Variants in RFXANK observed in about 807,000 individuals in gnomAD.
RFXANK encodes the protein regulatory factor X associated ankyrin containing protein, also known as DNA-binding protein RFXANK.
A neutral mutation model predicts 34.5 loss-of-function variants in RFXANK; 19 were observed. The ratio of observed to expected loss-of-function variants is 0.55; its 90% CI spans 0.38 to 0.81. The LOEUF is 0.81. Ranked by LOEUF, RFXANK falls within the 30% of genes least tolerant of loss-of-function variation. The probability of loss-of-function intolerance (pLI) is 0.00; values close to 1 mark genes in which losing one functional copy is unlikely to be tolerated. For synonymous variants in RFXANK, 154 were observed against 149.8 expected (o/e 1.03, Z -0.20); for missense variants, 295 against 343.5 (o/e 0.86, Z 1.12).
chr19:19,198,373 A>G (rs1436018309), intron 7 of RFXANK, 141 bp downstream of exon 7: 1 of 1,341,688 alleles, frequency 7.5e-7, no homozygotes. Context: ...CTCACAGAGC[A>G]GAGCTCCCCA....
At position 19,193,933 on chromosome 19, in the gene RFXANK, C is replaced by T. The variant is rs778735004; in HGVS notation, c.-8-6C>T. Reference sequence around the variant, plus strand: ...GTCATCTCTCCCCTTCTGACACCTCCGCCAGCTTTCCCCATGGAGCTTACC... The same window carrying T: ...GTCATCTCTCCCCTTCTGACACCTCTGCCAGCTTTCCCCATGGAGCTTACC... On this transcript the variant is annotated splice_region_variant and splice_polypyrimidine_tract_variant and intron_variant, in intron 2 of 9. Transcript: ENST00000303088. The T allele has an allele frequency of 1.2e-5, 20 of 1,614,004 alleles. No homozygotes were observed. Among genetic ancestry groups the T allele is most frequent in the Middle Eastern group, 1.6e-4 (1 of 6,082 alleles).
At chr19:19,197,376 T>TGA in intron 5 of RFXANK, 125 bp downstream of exon 5, 1 of 1,239,964 alleles carries the variant, frequency 8.1e-7, no homozygotes, top group Non-Finnish European at 1.2e-6. Context: ...ACTGTGTGTG[T>TGA]GACCGTGTTC....
chr19:19,193,818 A>G, intron 2 of RFXANK, 121 bp from the exon 3 acceptor site: 1 of 1,095,350 alleles, frequency 9.1e-7, no homozygotes, highest in South Asian at 1.2e-5. Flanking sequence ...TGGCTCTGGT[A>G]ATTAACCTGG....
chr19:19,199,536 CAGAG>C (rs1187512147), intron 9 of RFXANK, among the ~76,000 whole-genome samples: 1 of 152,082 alleles, frequency 6.6e-6, no homozygotes, highest in Non-Finnish European at 1.5e-5. Flanking sequence ...CAACAGAAGT[CAGAG>C]AGGCTTCCTG....
chr19:19,198,570 C>T (rs569673805), intron 7 of RFXANK, 87 bp from the exon 8 acceptor site: 240 of 1,483,228 alleles, frequency 1.6e-4, no homozygotes, highest in African/African-American at 1.6e-3. Flanking sequence ...GGAGGAACCA[C>T]GTTCAACTGG....
chr19:19,192,432 G>A lies in RFXANK; in HGVS notation c.-272G>A, dbSNP rs1599769091. On this transcript the variant is annotated 5_prime_UTR_variant, in exon 1 of 10. Coordinates refer to ENST00000303088, the MANE Select transcript of RFXANK (RefSeq NM_003721.4). ...CTTTTCCTTGAGAGACGAGTTGGGG[G>A]AGTCCTCCACGCATTACCCACTCGG... 1 of 486,572 alleles carries A rather than the reference G, an allele frequency of 2.1e-6. No homozygotes were observed. The highest frequency in any genetic ancestry group is 3.7e-5 in the East Asian group (1 of 26,974). 30.1% of individuals were successfully genotyped at this position (486,572 alleles called of 1,614,324 possible).
chr19:19,200,788 ATTTTTTTTT>A (rs71170606), intron 9 of RFXANK: 43 of 84,600 alleles, frequency 5.1e-4, no homozygotes, highest in East Asian at 1.4e-3. Flanking sequence ...CACCTGGCTA[ATTTTTTTTT>A]TTTTTTTTTT....
intron 6 of RFXANK, 128 bp downstream of exon 6, chr19:19,197,749 C>T (rs2060627445): frequency 2.3e-6 from 2 of 871,670 alleles, no homozygotes; most frequent in Admixed American, 4.2e-5. Context: ...TGGCTCATGC[C>T]TGTAATCCCA....
intron 9 of RFXANK, among the ~76,000 whole-genome samples, chr19:19,201,164 T>C (rs1388133305): frequency 1.3e-5 from 2 of 152,160 alleles, no homozygotes; most frequent in East Asian, 3.9e-4. Context: ...GGCTGGCCTT[T>C]CCTGACTTCA....
chr19:19,198,293 G>A, intron 7 of RFXANK, 61 bp downstream of exon 7: 1 of 1,606,568 alleles, frequency 6.2e-7, no homozygotes, highest in Admixed American at 1.7e-5. Flanking sequence ...TGCCTCAAAT[G>A]TTCACAGAGT....
rs777058246 is a variant in RFXANK, at chr19:19,198,122, A to G, written c.454A>G (p.Ile152Val). The change falls in exon 7 of 10, where the codon ATC (isoleucine) becomes GTC (valine). Residue 152 changes from isoleucine to valine, a missense_variant. By Grantham distance (29) the Ile-to-Val change is conservative. Transcript: ENST00000303088. ...FLLEWGADPHILAKERESALS... is the reference protein window; with the variant it reads ...FLLEWGADPHVLAKERESALS... ...CTCCCTGCAGGGTGCCGACCCCCAC[A>G]TCCTGGCAAAAGAGCGAGAGAGCGC... is the stretch of plus-strand genomic sequence containing the variant. The G allele has an allele frequency of 6.2e-7, 1 of 1,613,782 alleles. No homozygotes were observed. Among genetic ancestry groups the G allele is most frequent in the Non-Finnish European group, 8.5e-7 (1 of 1,179,946 alleles).
chr19:19,195,567 G>A (rs2060584206), intron 3 of RFXANK, among the ~76,000 whole-genome samples: 1 of 151,624 alleles, frequency 6.6e-6, no homozygotes. Context: ...GCCTCCCAAA[G>A]TGCTGGGATT....
At chr19:19,197,090 T>G (rs750132790) in intron 4 of RFXANK, 44 bp downstream of exon 4, 1 of 1,610,744 alleles carries the variant, frequency 6.2e-7, no homozygotes, top group South Asian at 1.1e-5. Context: ...AGTAGGAGGG[T>G]GGGAGGGCCT....
At chr19:19,197,402 C>T (rs2060619349) in intron 5 of RFXANK, 119 bp from the exon 6 acceptor site, 1 of 1,216,770 alleles carries the variant, frequency 8.2e-7, no homozygotes, top group South Asian at 1.3e-5. Context: ...TGTCCATCAA[C>T]ATACGCTCCC....
Position 19,198,148 on chromosome 19 carries a change from C to T in RFXANK, c.480C>T (p.Ala160=). 6.2e-7 allele frequency: 1 copy of T among 1,614,166 alleles called. No homozygotes were observed. The highest frequency in any genetic ancestry group is 8.5e-7 in the Non-Finnish European group (1 of 1,180,036). The part of the protein sequence containing the change: ...PHILAKERES[A]LSLASTGGYT... ...TCCTGGCAAAAGAGCGAGAGAGCGCCCTGTCGCTGGCCAGCACAGGCGGCT... is the reference window on the plus strand; with the variant it reads ...TCCTGGCAAAAGAGCGAGAGAGCGCTCTGTCGCTGGCCAGCACAGGCGGCT... The change falls in exon 7 of 10, where the codon GCC becomes GCT. Residue 160 remains alanine, a synonymous_variant. Coordinates refer to ENST00000303088, the MANE Select transcript of RFXANK (RefSeq NM_003721.4).
intron 6 of RFXANK, 139 bp from the exon 7 acceptor site, chr19:19,197,968 C>A (rs547120628): frequency 6.9e-6 from 8 of 1,167,032 alleles, no homozygotes; most frequent in East Asian, 4.7e-5. Context: ...GCCGAGATTG[C>A]GCCACTGCAC....
chr19:19,198,057 C>T, intron 6 of RFXANK, 50 bp from the exon 7 acceptor site: 1 of 1,609,774 alleles, frequency 6.2e-7, no homozygotes, highest in Non-Finnish European at 8.5e-7. Flanking sequence ...CCCCAGGATT[C>T]CTGGTTATGC....
At chr19:19,195,637 C>T (rs967066006) in intron 3 of RFXANK, among the ~76,000 whole-genome samples, 6 of 151,750 alleles carry the variant, frequency 4.0e-5, no homozygotes, top group East Asian at 3.9e-4. Context: ...CCTAAGATCT[C>T]GGTGGTGTCA....
In RFXANK at chr19:19,197,178, T is replaced by G. The variant is rs2060614549; in HGVS notation, c.272-8T>G. On this transcript the variant is annotated splice_polypyrimidine_tract_variant and splice_region_variant and intron_variant, in intron 4 of 9. Transcript: ENST00000303088. ...ATGAGTGAGGACTCTGCCTCTGTCC[T>G]GCCCCAGCCCTGTCCATCCACCAGC... 1.2e-6 allele frequency: 2 copies of G among 1,613,836 alleles called. No homozygotes were observed. Among genetic ancestry groups the G allele is most frequent in the Non-Finnish European group, 1.7e-6 (2 of 1,180,010 alleles).
Sources: gnomAD v4.1 joint callset for allele counts (sites outside exome capture counted in the v4.1 genomes callset) on GRCh38, gnomAD v4.1.1 for gene constraint, MANE v1.5 for transcripts, NCBI Gene and HGNC (gene_info 2026-07-23, HGNC 2026-07-21) for gene names.